The following JARID2 variants were observed in gnomAD, a reference collection of about 807,000 sequenced individuals.
JARID2 encodes the protein jumonji and AT-rich interaction domain containing 2.
Under a neutral mutation model 125.6 loss-of-function variants are expected in JARID2, and 21 were observed. The ratio of observed to expected loss-of-function variants is 0.17; its 90% CI spans 0.12 to 0.24. The LOEUF (loss-of-function observed/expected upper bound fraction) is 0.24, where lower values mean the gene tolerates loss of function less well. JARID2 is among the 10% of genes least tolerant of loss of function. The pLI is 1.00. For synonymous variants in JARID2, 736 were observed against 661.6 expected (o/e 1.11, Z -1.73); for missense variants, 1,303 against 1,639.6 (o/e 0.79, Z 3.55).
At chr6:15,500,429 T>C (rs1770677403) in intron 7 of JARID2, among the ~76,000 whole-genome samples, 1 of 152,002 alleles carries the variant, frequency 6.6e-6, no homozygotes, top group African/African-American at 2.4e-5. Context: ...AGAAGGGGAA[T>C]TGGGAGTTGG....
intron 1 of JARID2, among the ~76,000 whole-genome samples, chr6:15,325,882 C>T (rs562611661): frequency 2.0e-5 from 3 of 152,238 alleles, no homozygotes; most frequent in South Asian, 2.1e-4. Flanking sequence ...TGTTGACTCC[C>T]GTTAAGCCAG....
chr6:15,428,108 G>A (rs1171546998), intron 3 of JARID2, among the ~76,000 whole-genome samples: 3 of 152,132 alleles, frequency 2.0e-5, no homozygotes, highest in African/African-American at 7.2e-5. Flanking sequence ...ACTTGTTTTA[G>A]AAGAAAATTG....
chr6:15,453,074 C>T (rs1767994555), intron 4 of JARID2, among the ~76,000 whole-genome samples: 1 of 152,206 alleles, frequency 6.6e-6, no homozygotes, highest in African/African-American at 2.4e-5. Context: ...ATCCCTCACT[C>T]AATACATTAG....
chr6:15,473,687 G>C (rs941328802), intron 5 of JARID2, among the ~76,000 whole-genome samples: 14 of 152,052 alleles, frequency 9.2e-5, no homozygotes, highest in African/African-American at 3.4e-4. Flanking sequence ...CGAGTACCAA[G>C]TCTTTTGTGA....
At chr6:15,498,401 CT>C (rs1770569142) in intron 7 of JARID2, among the ~76,000 whole-genome samples, 1 of 152,204 alleles carries the variant, frequency 6.6e-6, no homozygotes, top group African/African-American at 2.4e-5. Flanking sequence ...TTGGGTTCCC[CT>C]GTAGCCCTCC....
intron 12 of JARID2, among the ~76,000 whole-genome samples, chr6:15,509,671 C>A (rs563582193): frequency 6.6e-6 from 1 of 152,318 alleles, no homozygotes; most frequent in South Asian, 2.1e-4. Flanking sequence ...AGAGCGTGGC[C>A]ATTTCCTGTG....
At chr6:15,470,239 A>G (rs573550490) in intron 5 of JARID2, among the ~76,000 whole-genome samples, 2 of 152,038 alleles carry the variant, frequency 1.3e-5, no homozygotes, top group South Asian at 4.2e-4. Context: ...GTCAGGAGAT[A>G]TGGCTGTTTT....
chr6:15,397,447 G>A (rs1311530273), intron 2 of JARID2, among the ~76,000 whole-genome samples: 1 of 152,122 alleles, frequency 6.6e-6, no homozygotes, highest in African/African-American at 2.4e-5. Flanking sequence ...TAGTTTTGGG[G>A]AAATTATTAA....
chr6:15,429,787 C>G (rs1410521176), intron 3 of JARID2, among the ~76,000 whole-genome samples: 1 of 152,004 alleles, frequency 6.6e-6, no homozygotes, highest in Non-Finnish European at 1.5e-5. Flanking sequence ...TCCGGCCCTG[C>G]GAGAGAGAGA....
At chr6:15,251,491 C>T (rs1458007435) in intron 1 of JARID2, among the ~76,000 whole-genome samples, 1 of 152,202 alleles carries the variant, frequency 6.6e-6, no homozygotes, top group Non-Finnish European at 1.5e-5. Flanking sequence ...GTCTACCCAT[C>T]CTGCTTGCCC....
chr6:15,479,404 T>C (rs943506082), intron 5 of JARID2, among the ~76,000 whole-genome samples: 2 of 152,242 alleles, frequency 1.3e-5, no homozygotes, highest in Non-Finnish European at 2.9e-5. Context: ...AAGAAATTTG[T>C]GTAAAGGGCA....
At chr6:15,293,552 G>A (rs894302056) in intron 1 of JARID2, among the ~76,000 whole-genome samples, 3 of 152,230 alleles carry the variant, frequency 2.0e-5, no homozygotes, top group Non-Finnish European at 4.4e-5. Context: ...TAAACACTGA[G>A]TTCTTAGAAT....
rs1768870649 is a variant in JARID2 at position 15,468,737 on chromosome 6, T to C, written c.670+19T>C. On this transcript the variant is annotated intron_variant, in intron 5 of 17. Coordinates refer to ENST00000341776, the MANE Select transcript of JARID2 (RefSeq NM_004973.4). ...GGGCATGGTAGGTCCACCGTTGAAC[T>C]TGGATAAGAAAAAATCTAAAGCTTT... The C allele has an allele frequency of 3.8e-6, 6 of 1,594,814 alleles. No individual in the cohort carries two copies. The highest frequency in any genetic ancestry group is 5.1e-6 in the Non-Finnish European group (6 of 1,170,300).
chr6:15,314,032 A>C (rs2127431169), intron 1 of JARID2, among the ~76,000 whole-genome samples: 1 of 152,308 alleles, frequency 6.6e-6, no homozygotes, highest in South Asian at 2.1e-4. Flanking sequence ...CCAAGGCCCA[A>C]GGTGTCCTGA....
intron 3 of JARID2, among the ~76,000 whole-genome samples, chr6:15,413,023 G>GTTTTTTTTTTTTTTTTTT (rs1349875486): frequency 5.9e-5 from 4 of 68,008 alleles, no homozygotes; most frequent in Admixed American, 2.0e-4. Flanking sequence ...TTTTTTTTTT[G>GTTTTTTTTTTTTTTTTTT]TTTTTTTTTT....
intron 1 of JARID2, among the ~76,000 whole-genome samples, chr6:15,303,784 C>T (rs1303439911): frequency 2.0e-5 from 3 of 152,176 alleles, no homozygotes; most frequent in African/African-American, 4.8e-5. Context: ...AACAATTTGA[C>T]AGTGGTATTT....
chr6:15,451,802 A>G (rs1767932690), intron 3 of JARID2, among the ~76,000 whole-genome samples: 1 of 152,198 alleles, frequency 6.6e-6, no homozygotes, highest in Admixed American at 6.5e-5. Context: ...CATGTACAAA[A>G]CATAGTCCTT....
At chr6:15,259,466 C>A (rs2127318586) in intron 1 of JARID2, among the ~76,000 whole-genome samples, 1 of 152,284 alleles carries the variant, frequency 6.6e-6, no homozygotes, top group African/African-American at 2.4e-5. Flanking sequence ...TCTTGCCTTC[C>A]CAGAGCTGTG....
chr6:15,346,396 T>G (rs1202967386), intron 1 of JARID2, among the ~76,000 whole-genome samples: 1 of 152,246 alleles, frequency 6.6e-6, no homozygotes, highest in Non-Finnish European at 1.5e-5. Flanking sequence ...AGTAATTAAA[T>G]CCATGAGTCG....
Sources: gnomAD v4.1 joint callset for allele counts (sites outside exome capture counted in the v4.1 genomes callset) on GRCh38, gnomAD v4.1.1 for gene constraint, MANE v1.5 for transcripts, NCBI Gene and HGNC (gene_info 2026-07-23, HGNC 2026-07-21) for gene names.